Variants in MTAP observed in about 807,000 individuals in gnomAD.
MTAP encodes the protein S-methyl-5'-thioadenosine phosphorylase.
MTAP carries 33 observed loss-of-function variants against 33.6 expected under a neutral mutation model. The observed-to-expected ratio is 0.98, with a 90% CI of 0.74 to 1.31. The LOEUF (loss-of-function observed/expected upper bound fraction) is 1.31, where lower values mean the gene tolerates loss of function less well. Among genes scored for constraint, MTAP ranks in the 40% most tolerant of loss-of-function variants. The probability of loss-of-function intolerance (pLI) is 0.00; values close to 1 mark genes in which losing one functional copy is unlikely to be tolerated. For synonymous variants in MTAP, 148 were observed against 125.7 expected, an observed-to-expected ratio of 1.18 and a Z score of -1.19; for missense variants, 367 against 360.0, an observed-to-expected ratio of 1.02 and a Z score of -0.16.
At chr9:21,844,196 A>T (rs905642080) in intron 5 of MTAP, among the ~76,000 whole-genome samples, 3 of 152,152 alleles carry the variant, frequency 2.0e-5, no homozygotes, top group Non-Finnish European at 4.4e-5. Flanking sequence ...TGGAAACCCT[A>T]AACAGACCAA....
At chr9:21,902,719 T>C (rs1222875067) in intron 1 of MTAP, among the ~76,000 whole-genome samples, 1 of 152,222 alleles carries the variant, frequency 6.6e-6, no homozygotes, top group Non-Finnish European at 1.5e-5. Context: ...GTAACTTTCT[T>C]GGATCAATTT....
At chr9:21,923,367 C>A (rs1818818888) in intron 1 of MTAP, among the ~76,000 whole-genome samples, 2 of 152,106 alleles carry the variant, frequency 1.3e-5, no homozygotes. Flanking sequence ...CACCTACTTG[C>A]TTTTTTTGAG....
chr9:21,935,513 T>G (rs1451368097), downstream of MTAP: 1 of 151,872 alleles, frequency 6.6e-6, no homozygotes, highest in East Asian at 1.9e-4. Flanking sequence ...TCCAGGAGCA[T>G]GAACATAATG....
chr9:21,894,569 G>A (rs1002182428), intron 1 of MTAP, among the ~76,000 whole-genome samples: 4 of 140,860 alleles, frequency 2.8e-5, no homozygotes, highest in African/African-American at 7.8e-5. Context: ...GACACAGGAA[G>A]GGGAACATCA....
At chr9:21,860,178 T>TG (rs1422316382) in intron 7 of MTAP, 1 of 152,214 alleles carries the variant, frequency 6.6e-6, no homozygotes, top group Non-Finnish European at 1.5e-5. Context: ...AGCTCTGTAA[T>TG]GAGAGAGCCA....
intron 6 of MTAP, chr9:21,856,049 CTT>C (rs572601529): frequency 8.2e-5 from 40 of 489,372 alleles, no homozygotes; most frequent in African/African-American, 6.1e-4. Flanking sequence ...ATGATTACCT[CTT>C]GTCTCTTTTA....
chr9:21,898,603 A>G (rs1432980144), intron 1 of MTAP, among the ~76,000 whole-genome samples: 2 of 152,242 alleles, frequency 1.3e-5, no homozygotes, highest in Non-Finnish European at 2.9e-5. Flanking sequence ...AAAAGAATAC[A>G]TTTATGCAGC....
rs74717791 is a variant in MTAP, at chr9:21,862,916, T to A, written c.*902T>A. 89 of 967,490 alleles carry A rather than the reference T, an allele frequency of 9.2e-5. No individual in the cohort carries two copies. The African/African-American group carries it at 1.5e-3, about 17-fold the overall frequency. The allele number at this position is 967,490 out of a possible 1,614,324, so 59.9% of individuals were successfully genotyped here. On this transcript the variant is annotated 3_prime_UTR_variant, in exon 8 of 8. Transcript: ENST00000644715. Reference sequence around the variant, plus strand: ...AGTGAATTTAATCAAATAGTAAAGTTGTTGTAAAAATAAAAGTGGATTTAG... The same window carrying A: ...AGTGAATTTAATCAAATAGTAAAGTAGTTGTAAAAATAAAAGTGGATTTAG...
In MTAP at chr9:21,914,792, A is replaced by T. The variant is rs190870451; in HGVS notation, c.148-16216A>T. Among the ~76,000 whole-genome samples the T allele has an allele frequency of 2.5e-3, 378 of 151,854 alleles. 1 individual carries two copies. The highest frequency in any genetic ancestry group is 0.011 in the East Asian group (57 of 5,118). On this transcript the variant is annotated intron_variant, in intron 1 of 1. Coordinates refer to the MTAP transcript ENST00000577563. The stretch of plus-strand genomic sequence containing the variant: ...AACTTAAAGTATAATAATAAAAAAA[A>T]AATAATAAACAAATGGTATCCCTGG...
chr9:21,839,757 A>G (rs1399975682), intron 5 of MTAP, among the ~76,000 whole-genome samples: 1 of 152,228 alleles, frequency 6.6e-6, no homozygotes, highest in Non-Finnish European at 1.5e-5. Context: ...TAGGACTGTC[A>G]TGATGAATTG....
downstream of MTAP, among the ~76,000 whole-genome samples, chr9:21,939,211 G>A (rs561918018): frequency 2.0e-5 from 3 of 152,290 alleles, no homozygotes; most frequent in East Asian, 3.9e-4. Context: ...CCCCAGCCAC[G>A]TGGAACTGTA....
At chr9:21,812,057 C>T (rs1824364723) in intron 1 of MTAP, 2 of 240,428 alleles carry the variant, frequency 8.3e-6, no homozygotes, top group Admixed American at 4.8e-5. Flanking sequence ...AGGCAGCCAT[C>T]ATATTCTTGG....
chr9:21,893,716 G>A (rs1818236933), intron 1 of MTAP: 1 of 151,974 alleles, frequency 6.6e-6, no homozygotes, highest in African/African-American at 2.4e-5. Flanking sequence ...TTGAAACCCT[G>A]AACAGACCAT....
chr9:21,833,921 T>C (rs544270915), intron 4 of MTAP, among the ~76,000 whole-genome samples: 2 of 152,338 alleles, frequency 1.3e-5, no homozygotes, highest in East Asian at 1.9e-4. Context: ...AAAGTGCCAG[T>C]GTTCTTCCTT....
chr9:21,848,155 G>T (rs1009334610), intron 5 of MTAP, among the ~76,000 whole-genome samples: 4 of 152,152 alleles, frequency 2.6e-5, no homozygotes, highest in Non-Finnish European at 4.4e-5. Flanking sequence ...CCCTGAGGCA[G>T]TTGCCAGGCA....
Position 21,826,272 on chromosome 9 carries a change from CT to C in MTAP, c.347+8079del, listed in dbSNP as rs1412540653. ...GAAGTTCTCTCTATTGTCTCATGAA[CT>C]TTTTTTTTAATAGTTGGTTTGTTCA... On this transcript the variant is annotated intron_variant, in intron 4 of 7. Coordinates refer to ENST00000644715, the MANE Select transcript of MTAP (RefSeq NM_002451.4). Among the ~76,000 whole-genome samples, 7 of 148,202 alleles carry C rather than the reference CT, an allele frequency of 4.7e-5. No individual in the cohort carries two copies. The East Asian group carries it at 6.0e-4, about 13-fold the overall frequency.
chr9:21,925,183 T>G (rs1818849421), intron 1 of MTAP, among the ~76,000 whole-genome samples: 1 of 152,172 alleles, frequency 6.6e-6, no homozygotes, highest in Admixed American at 6.5e-5. Context: ...GCCTGTAAAC[T>G]ATAATAAAAT....
intron 1 of MTAP, among the ~76,000 whole-genome samples, chr9:21,908,215 A>T (rs2118834735): frequency 6.6e-6 from 1 of 152,302 alleles, no homozygotes; most frequent in East Asian, 1.9e-4. Flanking sequence ...ATGGAATCAT[A>T]CAGTATGTAA....
At chr9:21,919,968 C>A (rs2131031208) in intron 1 of MTAP, among the ~76,000 whole-genome samples, 1 of 152,210 alleles carries the variant, frequency 6.6e-6, no homozygotes, top group Middle Eastern at 3.4e-3. Flanking sequence ...AAAAATTCTT[C>A]ATGGAGTTAT....
Sources: gnomAD v4.1 joint callset for allele counts (sites outside exome capture counted in the v4.1 genomes callset) on GRCh38, gnomAD v4.1.1 for gene constraint, MANE v1.5 for transcripts, NCBI Gene and HGNC (gene_info 2026-07-23, HGNC 2026-07-21) for gene names.